Variants in LTBP1 observed in about 807,000 individuals in gnomAD.
The protein encoded by LTBP1 is latent-transforming growth factor beta-binding protein 1.
In LTBP1, 129 loss-of-function variants were observed where a neutral mutation model predicts 207.6. The ratio of observed to expected loss-of-function variants is 0.62; its 90% CI spans 0.54 to 0.72. The LOEUF is 0.72. Ranked by LOEUF, LTBP1 falls within the 30% of genes least tolerant of loss-of-function variation. The pLI, the probability that LTBP1 is intolerant of heterozygous loss-of-function variation, is 0.00. For synonymous variants in LTBP1, 963 were observed against 833.7 expected (o/e 1.16, Z -2.67); for missense variants, 2,281 against 2,217.2 (o/e 1.03, Z -0.58).
intron 5 of LTBP1, among the ~76,000 whole-genome samples, chr2:33,156,478 C>G (rs955326462): frequency 6.6e-6 from 1 of 152,152 alleles, no homozygotes; most frequent in Admixed American, 6.5e-5. Context: ...TTGTATTGTA[C>G]TTGTGCAACT....
chr2:32,994,712 C>T (rs1226243232), intron 2 of LTBP1, among the ~76,000 whole-genome samples: 1 of 152,284 alleles, frequency 6.6e-6, no homozygotes, highest in African/African-American at 2.4e-5. Flanking sequence ...GATGATCCAC[C>T]CACCTCGCCC....
intron 7 of LTBP1, among the ~76,000 whole-genome samples, chr2:33,210,881 C>T (rs1317401477): frequency 6.6e-6 from 1 of 152,182 alleles, no homozygotes; most frequent in African/African-American, 2.4e-5. Context: ...TAAACACAGT[C>T]CTACTTACTC....
chr2:32,984,728 C>CTGG (rs1014020439), intron 2 of LTBP1, among the ~76,000 whole-genome samples: 9 of 151,536 alleles, frequency 5.9e-5, no homozygotes, highest in African/African-American at 2.2e-4. Context: ...CGAGACCAGC[C>CTGG]TGGCCAACAT....
intron 3 of LTBP1, among the ~76,000 whole-genome samples, chr2:33,087,459 G>T (rs944225358): frequency 1.3e-5 from 2 of 152,134 alleles, no homozygotes; most frequent in Admixed American, 1.3e-4. Flanking sequence ...TCTCCAAACA[G>T]ACTTAAGTAA....
intron 7 of LTBP1, among the ~76,000 whole-genome samples, chr2:33,195,024 G>A (rs116514038): frequency 0.018 from 2,694 of 152,298 alleles, 85 homozygotes; most frequent in African/African-American, 0.062. Context: ...TTTACCGAAG[G>A]TTTTAAGACC....
chr2:32,970,182 A>G (rs767204751), intron 2 of LTBP1, among the ~76,000 whole-genome samples: 1 of 152,154 alleles, frequency 6.6e-6, no homozygotes, highest in Non-Finnish European at 1.5e-5. Flanking sequence ...TCAGATGCAT[A>G]GTTTGCAAAT....
intron 24 of LTBP1, chr2:33,333,112 A>G (rs2094515948): frequency 1.3e-5 from 2 of 152,176 alleles, no homozygotes; most frequent in Admixed American, 6.5e-5. Context: ...GAGCAGGACA[A>G]TGATATACTA....
chr2:32,994,953 G>T (rs149389209), intron 2 of LTBP1, among the ~76,000 whole-genome samples: 1 of 152,188 alleles, frequency 6.6e-6, no homozygotes, highest in Non-Finnish European at 1.5e-5. Flanking sequence ...AACTCAGGAG[G>T]CTGAGGTGGG....
chr2:32,953,848 C>T (rs1257085688), intron 2 of LTBP1, among the ~76,000 whole-genome samples: 1 of 152,102 alleles, frequency 6.6e-6, no homozygotes, highest in Admixed American at 6.5e-5. Context: ...ATTAAATTTT[C>T]CTAAAGTGCA....
At chr2:33,359,893 C>A (rs1301135559) in intron 26 of LTBP1, among the ~76,000 whole-genome samples, 1 of 152,120 alleles carries the variant, frequency 6.6e-6, no homozygotes, top group African/African-American at 2.4e-5. Flanking sequence ...TCTTTCATAT[C>A]GCCTTGTTCG....
chr2:33,273,484 A>G (rs2093362933), intron 15 of LTBP1, among the ~76,000 whole-genome samples, 172 bp from the exon 16 acceptor site: 1 of 152,216 alleles, frequency 6.6e-6, no homozygotes, highest in South Asian at 2.1e-4. Flanking sequence ...AATCCATTAT[A>G]AAGTAATCAC....
intron 8 of LTBP1, among the ~76,000 whole-genome samples, chr2:33,218,689 G>T (rs2090893943): frequency 6.6e-6 from 1 of 152,126 alleles, no homozygotes; most frequent in Non-Finnish European, 1.5e-5. Context: ...GAGCCACTGC[G>T]CCTGGCCATA....
chr2:33,374,819 G>A (rs1252854351), intron 31 of LTBP1, among the ~76,000 whole-genome samples: 1 of 152,174 alleles, frequency 6.6e-6, no homozygotes, highest in African/African-American at 2.4e-5. Flanking sequence ...GGGTGTGGTG[G>A]CGTGTGCCTC....
chr2:33,080,146 C>A (rs1289230134), intron 3 of LTBP1, among the ~76,000 whole-genome samples: 1 of 152,104 alleles, frequency 6.6e-6, no homozygotes, highest in Non-Finnish European at 1.5e-5. Context: ...GCTGCCTCAG[C>A]CTCTTGAGTA....
intron 7 of LTBP1, among the ~76,000 whole-genome samples, chr2:33,206,299 A>G (rs1199300449): frequency 6.6e-6 from 1 of 152,206 alleles, no homozygotes; most frequent in African/African-American, 2.4e-5. Flanking sequence ...TGGAAGAGAC[A>G]CAGAAAAAAC....
At chr2:32,995,055 G>T (rs1193089407) in intron 2 of LTBP1, among the ~76,000 whole-genome samples, 1 of 151,996 alleles carries the variant, frequency 6.6e-6, no homozygotes, top group Non-Finnish European at 1.5e-5. Context: ...GTGGTAGTAC[G>T]TGCCTGTAGT....
chr2:33,007,807 C>T (rs1687136434), intron 2 of LTBP1, among the ~76,000 whole-genome samples: 1 of 152,190 alleles, frequency 6.6e-6, no homozygotes, highest in African/African-American at 2.4e-5. Context: ...GAACCAGGAA[C>T]TGTCCCTAAG....
At chr2:33,261,452 G>A (rs1412390109) in intron 13 of LTBP1, among the ~76,000 whole-genome samples, 2 of 152,180 alleles carry the variant, frequency 1.3e-5, no homozygotes, top group Admixed American at 6.5e-5. Flanking sequence ...ATTTTGGTAG[G>A]TCTACTCAAG....
chr2:33,300,831 A>G (rs2093976346), intron 21 of LTBP1, among the ~76,000 whole-genome samples: 1 of 152,206 alleles, frequency 6.6e-6, no homozygotes, highest in Non-Finnish European at 1.5e-5. Flanking sequence ...TTTCTGTGTA[A>G]TTCTTTACTA....
Sources: gnomAD v4.1 joint callset for allele counts (sites outside exome capture counted in the v4.1 genomes callset) on GRCh38, gnomAD v4.1.1 for gene constraint, MANE v1.5 for transcripts, NCBI Gene and HGNC (gene_info 2026-07-23, HGNC 2026-07-21) for gene names.